The following DPYD variants were observed in gnomAD, a reference collection of about 807,000 sequenced individuals.
DPYD encodes the protein dihydropyrimidine dehydrogenase [NADP(+)].
Under a neutral mutation model 116.2 loss-of-function variants are expected in DPYD, and 109 were observed. The ratio of observed to expected loss-of-function variants is 0.94; its 90% CI spans 0.80 to 1.10. The LOEUF (loss-of-function observed/expected upper bound fraction) is 1.10, where lower values mean the gene tolerates loss of function less well. DPYD is among the 50% of genes least tolerant of loss of function. DPYD has a pLI of 0.00. For synonymous variants in DPYD, 440 were observed against 432.0 expected (o/e 1.02, Z -0.23); for missense variants, 1,302 against 1,254.5 (o/e 1.04, Z -0.57).
chr1:97,304,182 A>G (rs1667028347), intron 18 of DPYD, among the ~76,000 whole-genome samples: 1 of 152,000 alleles, frequency 6.6e-6, no homozygotes, highest in Admixed American at 6.6e-5. Flanking sequence ...ATGGGCTGAC[A>G]GAAAACATAG....
chr1:97,571,082 T>A (rs932141506), intron 11 of DPYD, among the ~76,000 whole-genome samples: 3 of 152,004 alleles, frequency 2.0e-5, no homozygotes, highest in Admixed American at 6.6e-5. Context: ...TGAATGCACG[T>A]ATGAATGGAT....
chr1:97,690,598 T>C (rs961862482), intron 7 of DPYD, among the ~76,000 whole-genome samples: 2 of 152,058 alleles, frequency 1.3e-5, no homozygotes, highest in African/African-American at 4.8e-5. Context: ...AATCTAATAG[T>C]TGGAAATTTC....
intron 12 of DPYD, among the ~76,000 whole-genome samples, chr1:97,527,551 A>C (rs984246491): frequency 4.6e-5 from 7 of 152,188 alleles, no homozygotes; most frequent in African/African-American, 1.7e-4. Flanking sequence ...TATCATTAAG[A>C]CAATCATAAT....
intron 20 of DPYD, among the ~76,000 whole-genome samples, chr1:97,120,206 A>G (rs1457314607): frequency 6.6e-6 from 1 of 152,142 alleles, no homozygotes; most frequent in African/African-American, 2.4e-5. Flanking sequence ...CACATTTGAC[A>G]CCAACTGAAA....
At chr1:97,594,363 G>C (rs1459385262) in intron 9 of DPYD, among the ~76,000 whole-genome samples, 2 of 152,110 alleles carry the variant, frequency 1.3e-5, no homozygotes, top group African/African-American at 2.4e-5. Context: ...TGCATCTTTA[G>C]CTGTAAACTT....
chr1:97,087,278 A>G (rs1462109178), intron 21 of DPYD, among the ~76,000 whole-genome samples: 5 of 152,234 alleles, frequency 3.3e-5, no homozygotes, highest in African/African-American at 1.2e-4. Context: ...TTAAAAATAT[A>G]GCAGGTGCCT....
At chr1:97,854,195 A>G (rs1189925496) in intron 2 of DPYD, among the ~76,000 whole-genome samples, 5 of 152,210 alleles carry the variant, frequency 3.3e-5, no homozygotes, top group African/African-American at 1.2e-4. Context: ...GAGCAAAGAC[A>G]GAGATGTGCA....
At chr1:97,178,171 A>G (rs1016501079) in intron 20 of DPYD, among the ~76,000 whole-genome samples, 1 of 152,138 alleles carries the variant, frequency 6.6e-6, no homozygotes, top group African/African-American at 2.4e-5. Flanking sequence ...GGTAGCCTGG[A>G]GCACTCTGAC....
rs549374725 is a variant in DPYD at position 97,235,367 on chromosome 1, T to C, written c.2300-373A>G. The stretch of plus-strand genomic sequence containing the variant: ...CATCAGTGGCTCACGCCTGTAATCC[T>C]AGCACTTTGGGAGGCCGAGGTGGGT... On this transcript the variant is annotated intron_variant, in intron 18 of 22. Coordinates refer to ENST00000370192, the MANE Select transcript of DPYD (RefSeq NM_000110.4). Among the ~76,000 whole-genome samples the C allele has an allele frequency of 6.2e-4, 94 of 152,212 alleles. 1 individual carries two copies. Among genetic ancestry groups the C allele is most frequent in the African/African-American group, 2.0e-3 (85 of 41,548 alleles).
At chr1:97,554,693 C>T (rs1176378271) in intron 11 of DPYD, among the ~76,000 whole-genome samples, 1 of 152,094 alleles carries the variant, frequency 6.6e-6, no homozygotes, top group Non-Finnish European at 1.5e-5. Context: ...AGGGCCAGAA[C>T]CAGAGAATGC....
intron 3 of DPYD, among the ~76,000 whole-genome samples, chr1:97,741,936 A>G (rs1436183751): frequency 6.6e-6 from 1 of 152,164 alleles, no homozygotes; most frequent in Non-Finnish European, 1.5e-5. Flanking sequence ...AGCAAATGAC[A>G]GTGGGATTCT....
At chr1:97,895,134 T>C (rs1274733944) in intron 1 of DPYD, among the ~76,000 whole-genome samples, 2 of 151,840 alleles carry the variant, frequency 1.3e-5, no homozygotes, top group African/African-American at 4.8e-5. Flanking sequence ...AAACTTGCTT[T>C]ACAGAAATTG....
chr1:97,313,641 C>G (rs1667647250), intron 16 of DPYD, among the ~76,000 whole-genome samples: 1 of 151,782 alleles, frequency 6.6e-6, no homozygotes, highest in African/African-American at 2.4e-5. Flanking sequence ...TTATTTTTCT[C>G]TTTCTACCTG....
At chr1:97,731,812 C>A (rs1663628250) in intron 4 of DPYD, among the ~76,000 whole-genome samples, 1 of 151,846 alleles carries the variant, frequency 6.6e-6, no homozygotes, top group Non-Finnish European at 1.5e-5. Flanking sequence ...ACAGATTTTT[C>A]TTGTCTTAAT....
chr1:97,725,508 A>G (rs956526868), intron 4 of DPYD, among the ~76,000 whole-genome samples: 4 of 151,600 alleles, frequency 2.6e-5, no homozygotes, highest in Non-Finnish European at 5.9e-5. Context: ...AAAAATAAGA[A>G]TGAAGCTAGA....
chr1:97,846,218 A>C (rs1292937802), intron 2 of DPYD, among the ~76,000 whole-genome samples: 2 of 152,220 alleles, frequency 1.3e-5, no homozygotes, highest in East Asian at 3.9e-4. Context: ...GGATGGTGGC[A>C]CAACCAAGAC....
chr1:97,380,367 C>T (rs1357694529), intron 15 of DPYD, among the ~76,000 whole-genome samples: 2 of 152,296 alleles, frequency 1.3e-5, no homozygotes, highest in Non-Finnish European at 2.9e-5. Flanking sequence ...TAACTAGATT[C>T]TAACAATGCT....
chr1:97,099,315 T>C (rs911165889), intron 20 of DPYD, among the ~76,000 whole-genome samples: 1 of 152,056 alleles, frequency 6.6e-6, no homozygotes, highest in Admixed American at 6.6e-5. Flanking sequence ...ACAAACTCCA[T>C]CAGTATTCAA....
chr1:97,466,848 A>T (rs1049366029), intron 13 of DPYD, among the ~76,000 whole-genome samples: 7 of 152,252 alleles, frequency 4.6e-5, no homozygotes, highest in African/African-American at 1.7e-4. Context: ...AAAGTTTTTC[A>T]TATATTACCC....
Sources: allele counts gnomAD v4.1 joint callset (sites outside exome capture counted in the v4.1 genomes callset), GRCh38; gene constraint gnomAD v4.1.1; transcripts MANE v1.5; gene names NCBI Gene and HGNC (gene_info 2026-07-23, HGNC 2026-07-21).